MRPS28: variants seen among roughly 807,000 people sequenced by gnomAD.
MRPS28 encodes the protein mitochondrial ribosomal protein S28.
In MRPS28, 7 loss-of-function variants were observed where a neutral mutation model predicts 10.8. The observed-to-expected ratio is 0.65, with a 90% CI of 0.37 to 1.22. MRPS28 has a LOEUF of 1.22. Among genes scored for constraint, MRPS28 ranks in the 50% most tolerant of loss-of-function variants. The pLI is 0.02. For synonymous variants in MRPS28, 121 were observed against 93.3 expected, an observed-to-expected ratio of 1.30 and a Z score of -1.71; for missense variants, 265 against 232.9, an observed-to-expected ratio of 1.14 and a Z score of -0.90.
chr8:79,963,715 T>G (rs1807429952), intron 2 of MRPS28, among the ~76,000 whole-genome samples: 1 of 152,106 alleles, frequency 6.6e-6, no homozygotes, highest in African/African-American at 2.4e-5. Flanking sequence ...CTCAGTGTAC[T>G]GCTGCTTTGG....
intron 2 of MRPS28, among the ~76,000 whole-genome samples, chr8:79,990,101 C>A (rs1808316621): frequency 6.6e-6 from 1 of 152,164 alleles, no homozygotes; most frequent in African/African-American, 2.4e-5. Context: ...GTGGAGGTTG[C>A]AGTGAGCTGA....
chr8:80,025,338 C>T (rs1377269037), intron 1 of MRPS28, among the ~76,000 whole-genome samples: 1 of 152,028 alleles, frequency 6.6e-6, no homozygotes, highest in East Asian at 1.9e-4. Flanking sequence ...TGAGTTGATA[C>T]GGGGGTGAGG....
intron 2 of MRPS28, among the ~76,000 whole-genome samples, chr8:79,981,483 GA>G (rs1807951344): frequency 1.3e-5 from 2 of 152,202 alleles, no homozygotes; most frequent in Non-Finnish European, 2.9e-5. Context: ...TAGATTTTGA[GA>G]TTTAAAGAGT....
At chr8:80,029,184 AAAT>A (rs1228272060) in intron 1 of MRPS28, among the ~76,000 whole-genome samples, 1 of 152,190 alleles carries the variant, frequency 6.6e-6, no homozygotes, top group Non-Finnish European at 1.5e-5. Context: ...TTACAACAGA[AAAT>A]AATAAACTAA....
chr8:79,969,607 A>C (rs1163306908), intron 2 of MRPS28, among the ~76,000 whole-genome samples: 2 of 152,130 alleles, frequency 1.3e-5, no homozygotes, highest in Non-Finnish European at 2.9e-5. Flanking sequence ...GTAACGGAAA[A>C]ACCTGGTCAT....
intron 2 of MRPS28, among the ~76,000 whole-genome samples, chr8:79,947,673 C>A (rs1387484615): frequency 1.6e-5 from 2 of 121,532 alleles, no homozygotes; most frequent in African/African-American, 6.5e-5. Context: ...CTCGCTCTGT[C>A]GCCCAGGCTG....
intron 2 of MRPS28, among the ~76,000 whole-genome samples, chr8:79,972,196 A>T (rs1807652295): frequency 6.6e-6 from 1 of 152,228 alleles, no homozygotes; most frequent in African/African-American, 2.4e-5. Context: ...AATTTATCTT[A>T]TATTAGGTAT....
In MRPS28 at chr8:80,030,058, T is replaced by G. The variant is rs1159703355; in HGVS notation, c.191A>C (p.Gln64Pro). Reference sequence around the variant, plus strand: ...CACCTTCTGTAGGGGCTCCACCTTCTGTAGAAGCTCCGAGTGCCGCTCCAA... The same window carrying G: ...CACCTTCTGTAGGGGCTCCACCTTCGGTAGAAGCTCCGAGTGCCGCTCCAA... ...SALERHSELLQKVEPLQKGSP... is the reference protein window; with the variant it reads ...SALERHSELLPKVEPLQKGSP... Residue 64 changes from glutamine (Q) to proline (P), a missense_variant, in exon 1 of 3, where the codon CAG (glutamine) becomes CCG (proline). By Grantham distance (76) the Gln-to-Pro change is moderately conservative. Transcript: ENST00000276585. The G allele has an allele frequency of 1.2e-5, 19 of 1,613,480 alleles. No individual in the cohort carries two copies. In the Admixed American group the frequency reaches 2.3e-4, roughly 20 times the overall value.
intron 1 of MRPS28, among the ~76,000 whole-genome samples, chr8:80,008,174 A>G: frequency 6.6e-6 from 1 of 152,252 alleles, no homozygotes; most frequent in Admixed American, 6.5e-5. Flanking sequence ...AAATGGGGAA[A>G]GGATTCCCTA....
rs79342211 is a variant in MRPS28 at position 79,990,278 on chromosome 8, G to A, written c.395+12721C>T. On this transcript the variant is annotated intron_variant, in intron 2 of 2. Transcript: ENST00000276585. Reference sequence around the variant, plus strand: ...GTGACCTCTATTTTTCTAGTCACCTGGGCTAGAAACCTTTAGCATGAGTTA... The same window carrying A: ...GTGACCTCTATTTTTCTAGTCACCTAGGCTAGAAACCTTTAGCATGAGTTA... Among the ~76,000 whole-genome samples the A allele has an allele frequency of 1.1e-3, 172 of 152,144 alleles. 1 individual carries two copies. The East Asian group carries it at 0.029, about 25-fold the overall frequency.
chr8:80,030,086 C>A lies in MRPS28; in HGVS notation c.163G>T (p.Ala55Ser). The change falls in exon 1 of 3, where the codon GCG becomes TCG. Residue 55 changes from alanine (A) to serine (S), a missense_variant. Physicochemically the swap from Ala to Ser is moderately conservative, Grantham distance 99. Coordinates refer to ENST00000276585, the MANE Select transcript of MRPS28 (RefSeq NM_014018.3). ...PKTRAGGFAS[A>S]LERHSELLQK... ...AGAAGCTCCGAGTGCCGCTCCAACGCGCTCGCGAAACCGCCTGCGCGCGTC... is the reference window on the plus strand; with the variant it reads ...AGAAGCTCCGAGTGCCGCTCCAACGAGCTCGCGAAACCGCCTGCGCGCGTC... 1 of 1,613,824 alleles carries A rather than the reference C, an allele frequency of 6.2e-7. No individual in the cohort carries two copies. Among genetic ancestry groups the A allele is most frequent in the East Asian group, 2.2e-5 (1 of 44,876 alleles).
chr8:79,998,065 AAAAG>A (rs898196299), intron 2 of MRPS28, among the ~76,000 whole-genome samples: 39 of 151,752 alleles, frequency 2.6e-4, no homozygotes, highest in South Asian at 1.5e-3. Context: ...AAAAAAAAAA[AAAAG>A]AAAGAAAGAA....
intron 2 of MRPS28, among the ~76,000 whole-genome samples, chr8:79,999,837 G>A (rs1469633311): frequency 6.6e-6 from 1 of 152,130 alleles, no homozygotes; most frequent in Non-Finnish European, 1.5e-5. Context: ...GAGAGCTTCA[G>A]AGATAGCTGA....
chr8:79,973,852 AAG>A lies in MRPS28; in HGVS notation c.395+29145_395+29146del, dbSNP rs1554571866. Among the ~76,000 whole-genome samples, 4 of 147,096 alleles carry A rather than the reference AAG, an allele frequency of 2.7e-5. 1 individual carries two copies. The highest frequency in any genetic ancestry group is 2.6e-5 in the African/African-American group (1 of 39,158). Reference sequence around the variant, plus strand: ...GGAATAAATTAATAAAAAAAAAAAAAAGAAAGAAAGAAAGTGAAGAATCTAAG... The same window carrying A: ...GGAATAAATTAATAAAAAAAAAAAAAAAAGAAAGAAAGTGAAGAATCTAAG... On this transcript the variant is annotated intron_variant, in intron 2 of 2. Transcript: ENST00000276585.
At chr8:80,006,636 T>A (rs981069190) in intron 1 of MRPS28, among the ~76,000 whole-genome samples, 4 of 152,122 alleles carry the variant, frequency 2.6e-5, no homozygotes, top group African/African-American at 9.7e-5. Context: ...GAGAATACTA[T>A]AAACACCTCT....
intron 2 of MRPS28, among the ~76,000 whole-genome samples, chr8:79,968,699 C>G (rs2130030253): frequency 6.7e-6 from 1 of 149,868 alleles, no homozygotes; most frequent in South Asian, 2.1e-4. Context: ...CATTCTGGGA[C>G]AGAGTGAGAC....
At chr8:79,923,019 C>CT (rs1489122211) in intron 2 of MRPS28, among the ~76,000 whole-genome samples, 4 of 151,754 alleles carry the variant, frequency 2.6e-5, no homozygotes, top group African/African-American at 7.2e-5. Context: ...GGCTATTCAG[C>CT]TTTTTTTTGA....
At chr8:79,927,659 A>C (rs756120249) in intron 2 of MRPS28, among the ~76,000 whole-genome samples, 1 of 152,162 alleles carries the variant, frequency 6.6e-6, no homozygotes, top group Non-Finnish European at 1.5e-5. Context: ...CTCTCCTCTC[A>C]ACCCCAGGAG....
chr8:80,003,277 A>G (rs1808712787), intron 1 of MRPS28, 97 bp from the exon 2 acceptor site: 1 of 932,998 alleles, frequency 1.1e-6, no homozygotes, highest in Non-Finnish European at 1.5e-6. Context: ...TTGTAGCAAT[A>G]ATTTTAAAAT....
Sources: allele counts gnomAD v4.1 joint callset (sites outside exome capture counted in the v4.1 genomes callset), GRCh38; gene constraint gnomAD v4.1.1; transcripts MANE v1.5; gene names NCBI Gene and HGNC (gene_info 2026-07-23, HGNC 2026-07-21).